The following TRAPPC14 variants were observed in gnomAD, a reference collection of about 807,000 sequenced individuals.
TRAPPC14 encodes the protein trafficking protein particle complex subunit 14, also known as microtubule associated protein 11.
Under a neutral mutation model 56.6 loss-of-function variants are expected in TRAPPC14, and 24 were observed. The ratio of observed to expected loss-of-function variants is 0.42; its 90% CI spans 0.31 to 0.60. The LOEUF (loss-of-function observed/expected upper bound fraction) is 0.60. Among genes scored for constraint, TRAPPC14 ranks in the 20% least tolerant of loss-of-function variants. The pLI is 0.14. For synonymous variants in TRAPPC14, 377 were observed against 347.0 expected (o/e 1.09, Z -0.96); for missense variants, 615 against 790.3 (o/e 0.78, Z 2.66).
chr7:100,155,918 C>G (rs199603484), intron 8 of TRAPPC14, 93 bp from the exon 9 acceptor site: 47 of 1,497,952 alleles, frequency 3.1e-5, no homozygotes, highest in Non-Finnish European at 4.2e-5. Context: ...CTCAAAGCCA[C>G]TCTGTGGAGT....
chr7:100,157,397 C>T lies in TRAPPC14; in HGVS notation c.700G>A (p.Gly234Arg). Residue 234 changes from glycine (G) to arginine (R), a missense_variant, in exon 4 of 11, where the codon GGA becomes AGA. Transcript: ENST00000316937. ...CCCTTGAGCACGGTCAAGTGTTTTC[C>T]AGCCACAGTGAACTGCCGGCATCTC... Reference protein sequence around the residue: ...VLRCRQFTVAGKHLTVLKVLN... With the variant: ...VLRCRQFTVARKHLTVLKVLN... 6.2e-7 allele frequency: 1 copy of T among 1,614,160 alleles called. No individual in the cohort carries two copies. Among genetic ancestry groups the T allele is most frequent in the Non-Finnish European group, 8.5e-7 (1 of 1,180,036 alleles).
At position 100,158,428 on chromosome 7, in the gene TRAPPC14, C is replaced by A; in HGVS notation, c.72G>T (p.Gly24=). ...VPLPPRAELA[G]DPGRYRALPR... ...GCAGCGCCCGGTACCGGCCCGGATC[C>A]CCTGCCAGCTCCGCGCGCGGCGGCA... Residue 24 remains glycine (G), a synonymous_variant, in exon 1 of 11, where the codon GGG becomes GGT. Transcript: ENST00000316937. 7.0e-7 allele frequency: 1 copy of A among 1,419,864 alleles called. No individual in the cohort carries two copies. The highest frequency in any genetic ancestry group is 9.2e-7 in the Non-Finnish European group (1 of 1,088,754). 88.0% of individuals were successfully genotyped at this position (1,419,864 alleles called of 1,614,324 possible).
intron 1 of TRAPPC14, 53 bp from the exon 2 acceptor site, chr7:100,157,991 A>C (rs1164428178): frequency 6.8e-7 from 1 of 1,475,314 alleles, no homozygotes; most frequent in Non-Finnish European, 9.1e-7. Flanking sequence ...GGCAGCCTGC[A>C]GCCTTTCCCT....
chr7:100,157,224 A>G lies in TRAPPC14; in HGVS notation c.725-10T>C, dbSNP rs1204457011. 6.2e-7 allele frequency: 1 copy of G among 1,614,124 alleles called. No homozygotes were observed. The highest frequency in any genetic ancestry group is 1.3e-5 in the African/African-American group (1 of 75,026). ...GAGGAGCTGTTCAGCACTGTGGGAGAGGACCAGCTTGGCTCAGAATAGCTG... is the reference window on the plus strand; with the variant it reads ...GAGGAGCTGTTCAGCACTGTGGGAGGGGACCAGCTTGGCTCAGAATAGCTG... On this transcript the variant is annotated splice_polypyrimidine_tract_variant and intron_variant, in intron 4 of 10. Coordinates refer to ENST00000316937, the MANE Select transcript of TRAPPC14 (RefSeq NM_018275.5).
chr7:100,155,656 C>G lies in TRAPPC14; in HGVS notation c.1395+15G>C. 3 of 1,588,388 alleles carry G rather than the reference C, an allele frequency of 1.9e-6. No homozygotes were observed. Among genetic ancestry groups the G allele is most frequent in the South Asian group, 2.3e-5 (2 of 86,534 alleles). On this transcript the variant is annotated intron_variant, in intron 9 of 10. Coordinates refer to ENST00000316937, the MANE Select transcript of TRAPPC14 (RefSeq NM_018275.5). The stretch of plus-strand genomic sequence containing the variant: ...TGCATCACTCAGCACTCAGCCCAGA[C>G]CCTCCCCAGCCCACCTCGAAGAGCC...
Position 100,154,842 on chromosome 7 carries a change from C to G in TRAPPC14, c.*169G>C. On this transcript the variant is annotated 3_prime_UTR_variant, in exon 11 of 11. Coordinates refer to ENST00000316937, the MANE Select transcript of TRAPPC14 (RefSeq NM_018275.5). ...TAGTCCCAGCCATGCCCGCCCACTT[C>G]ACAGCTTCTTCCCCCATCCCTCATC... 1.5e-6 allele frequency: 1 copy of G among 670,542 alleles called. No homozygotes were observed. The highest frequency in any genetic ancestry group is 2.6e-6 in the Non-Finnish European group (1 of 385,116). 41.5% of individuals were successfully genotyped at this position (670,542 alleles called of 1,614,324 possible).
At position 100,154,649 on chromosome 7, in the gene TRAPPC14, A is replaced by C. The variant is rs1284588901; in HGVS notation, c.*362T>G. 9.9e-6 allele frequency: 3 copies of C among 303,440 alleles called. No homozygotes were observed. The highest frequency in any genetic ancestry group is 4.5e-5 in the African/African-American group (2 of 44,444). The allele number at this position is 303,440 out of a possible 1,614,324, so 18.8% of individuals were successfully genotyped here. A position where few individuals can be genotyped will look rare whatever the true frequency, so the allele number is the denominator to read the frequency against. On this transcript the variant is annotated 3_prime_UTR_variant, in exon 11 of 11. Transcript: ENST00000316937. ...CTCTAATCTCAGCCCTGCGGGAGGGAGGGAGGGAATGTCAGAGGTGGGAAA... is the reference window on the plus strand; with the variant it reads ...CTCTAATCTCAGCCCTGCGGGAGGGCGGGAGGGAATGTCAGAGGTGGGAAA...
chr7:100,155,503 G>T, intron 9 of TRAPPC14, 48 bp from the exon 10 acceptor site: 1 of 1,515,774 alleles, frequency 6.6e-7, no homozygotes, highest in Non-Finnish European at 8.8e-7. Context: ...CCAGGACCCA[G>T]GCCTCCTTCC....
Position 100,158,169 on chromosome 7 carries a change from C to T in TRAPPC14, c.331G>A (p.Gly111Arg). 1 of 1,449,918 alleles carries T rather than the reference C, an allele frequency of 6.9e-7. No homozygotes were observed. Among genetic ancestry groups the T allele is most frequent in the Non-Finnish European group, 9.0e-7 (1 of 1,109,818 alleles). The allele number at this position is 1,449,918 out of a possible 1,614,324, so 89.8% of individuals were successfully genotyped here. ...DSEPPGGGDP[G>R]GGGLFRGCSP... ...CAGCCTCGGAACAAACCCCCACCCC[C>T]AGGATCCCCTCCCCCTGGGGGCTCC... Residue 111 changes from glycine (G) to arginine (R), a missense_variant, in exon 1 of 11, where the codon GGG becomes AGG. By Grantham distance (125) the Gly-to-Arg change is moderately radical. Coordinates refer to ENST00000316937, the MANE Select transcript of TRAPPC14 (RefSeq NM_018275.5).
At chr7:100,155,902 C>A (rs1562951954) in intron 8 of TRAPPC14, 77 bp from the exon 9 acceptor site, 1 of 1,579,450 alleles carries the variant, frequency 6.3e-7, no homozygotes, top group Non-Finnish European at 8.7e-7. Flanking sequence ...ACAGTCTCAT[C>A]TGATTCTCAA....
chr7:100,156,248 C>T (rs1798878919), intron 8 of TRAPPC14, 138 bp downstream of exon 8: 2 of 813,192 alleles, frequency 2.5e-6, no homozygotes, highest in South Asian at 1.7e-5. Context: ...AGGTACAGGG[C>T]GGAAGCCACC....
Position 100,156,615 on chromosome 7 carries a change from C to A in TRAPPC14, c.1076+19G>T. On this transcript the variant is annotated intron_variant, in intron 7 of 10. Coordinates refer to ENST00000316937, the MANE Select transcript of TRAPPC14 (RefSeq NM_018275.5). ...GCCACAAAGGCGAACGCCACGATTCCTCCAGGATCCACACTCACCGGTAGT... is the reference window on the plus strand; with the variant it reads ...GCCACAAAGGCGAACGCCACGATTCATCCAGGATCCACACTCACCGGTAGT... 6.2e-7 allele frequency: 1 copy of A among 1,611,328 alleles called. No individual in the cohort carries two copies. Among genetic ancestry groups the A allele is most frequent in the South Asian group, 1.1e-5 (1 of 90,734 alleles).
rs763116441 is a variant in TRAPPC14, at chr7:100,157,721, C to T, written c.549G>A (p.Glu183=). The part of the protein sequence containing the change: ...TVWKREIEAP[E]VRDQGYLRLL... ...ATCGCAGGTAGCCTTGATCTCTGAC[C>T]TCTGGTGCCTCAATCTCCCGCTTCC... The change falls in exon 3 of 11, where the codon GAG becomes GAA. Residue 183 remains glutamate (E), a synonymous_variant. Coordinates refer to ENST00000316937, the MANE Select transcript of TRAPPC14 (RefSeq NM_018275.5). 3 of 1,614,220 alleles carry T rather than the reference C, an allele frequency of 1.9e-6. No homozygotes were observed. The highest frequency in any genetic ancestry group is 1.7e-6 in the Non-Finnish European group (2 of 1,180,042).
intron 8 of TRAPPC14, chr7:100,156,028 G>A (rs2116959083): frequency 1.3e-6 from 1 of 758,938 alleles, no homozygotes; most frequent in Admixed American, 1.9e-5. Flanking sequence ...GTATCTGCAT[G>A]ACAGCCCCAT....
intron 3 of TRAPPC14, 85 bp downstream of exon 3, chr7:100,157,548 C>T: frequency 6.2e-7 from 1 of 1,606,314 alleles, no homozygotes; most frequent in Non-Finnish European, 8.5e-7. Context: ...TCTCAGAGCC[C>T]ATTAGCCACT....
intron 8 of TRAPPC14, 49 bp downstream of exon 8, chr7:100,156,337 T>G (rs372535248): frequency 1.6e-5 from 25 of 1,598,322 alleles, no homozygotes; most frequent in Non-Finnish European, 2.1e-5. Flanking sequence ...ACTTTTTCCT[T>G]TCTCTTCCCC....
chr7:100,156,211 C>T (rs1798877172), intron 8 of TRAPPC14, 175 bp downstream of exon 8: 4 of 638,528 alleles, frequency 6.3e-6, no homozygotes, highest in Non-Finnish European at 1.1e-5. Flanking sequence ...TCTAAACTCT[C>T]CATCTAGGAC....
intron 8 of TRAPPC14, 139 bp from the exon 9 acceptor site, chr7:100,155,964 G>T: frequency 9.1e-7 from 1 of 1,096,446 alleles, no homozygotes. Context: ...GCATGTTGTA[G>T]ATAACAACAG....
Position 100,155,471 on chromosome 7 carries a change from G to A in TRAPPC14, c.1396-16C>T. 3 of 1,514,416 alleles carry A rather than the reference G, an allele frequency of 2.0e-6. No homozygotes were observed. Among genetic ancestry groups the A allele is most frequent in the Non-Finnish European group, 2.7e-6 (3 of 1,131,034 alleles). The allele number at this position is 1,514,416 out of a possible 1,614,324, so 93.8% of individuals were successfully genotyped here. ...GCTGGCTTAGCTGGGGGGAGACACAGGTCAGCATGCCAGCTCGGCTTCCAG... is the reference window on the plus strand; with the variant it reads ...GCTGGCTTAGCTGGGGGGAGACACAAGTCAGCATGCCAGCTCGGCTTCCAG... On this transcript the variant is annotated splice_polypyrimidine_tract_variant and intron_variant, in intron 9 of 10. Transcript: ENST00000316937.
Sources: gnomAD v4.1 joint callset for allele counts on GRCh38, gnomAD v4.1.1 for gene constraint, MANE v1.5 for transcripts, NCBI Gene and HGNC (gene_info 2026-07-23, HGNC 2026-07-21) for gene names.